PCDHA5: variants seen among roughly 807,000 people sequenced by gnomAD.
PCDHA5 encodes protocadherin alpha 5.
Under a neutral mutation model 61.6 loss-of-function variants are expected in PCDHA5, and 43 were observed. The ratio of observed to expected loss-of-function variants is 0.70; its 90% CI spans 0.55 to 0.90. PCDHA5 has a LOEUF of 0.90. PCDHA5 is among the 40% of genes least tolerant of loss of function. The probability of loss-of-function intolerance (pLI) is 0.00; values close to 1 mark genes in which losing one functional copy is unlikely to be tolerated. For missense variants in PCDHA5, 1,298 were observed against 1,222.7 expected (o/e 1.06, Z -0.92); for synonymous variants, 627 against 543.9 (o/e 1.15, Z -2.13).
intron 1 of PCDHA5, among the ~76,000 whole-genome samples, chr5:140,965,466 A>C (rs1364686627): frequency 2.6e-5 from 4 of 152,002 alleles, no homozygotes; most frequent in Non-Finnish European, 4.4e-5. Flanking sequence ...GATAAATCCC[A>C]GACTCCCACA....
At chr5:140,968,946 GCAT>G in intron 1 of PCDHA5, 4 of 1,614,172 alleles carry the variant, frequency 2.5e-6, no homozygotes, top group Non-Finnish European at 3.4e-6. Flanking sequence ...ATCATTTTGA[GCAT>G]CATCAAGTGC....
At position 140,835,641 on chromosome 5, in the gene PCDHA5, G is replaced by A. The variant is rs2150240486; in HGVS notation, c.2352+11514G>A. ...CGCTCTGGACCGCGAGAGTGTGTCC[G>A]CCTATGAGCTGGTGGTTACCGCGCG... On this transcript the variant is annotated intron_variant, in intron 1 of 3. Transcript: ENST00000529859. 5.0e-6 allele frequency: 8 copies of A among 1,613,912 alleles called. No homozygotes were observed. In the South Asian group the frequency reaches 7.7e-5, roughly 16 times the overall value.
intron 1 of PCDHA5, among the ~76,000 whole-genome samples, chr5:140,957,554 G>A (rs1291687434): frequency 6.6e-6 from 1 of 152,074 alleles, no homozygotes; most frequent in African/African-American, 2.4e-5. Flanking sequence ...ATTCTCTGTG[G>A]AAAAGGAGGG....
rs2042755048 is a variant in PCDHA5 at position 140,853,453 on chromosome 5, C to A, written c.2352+29326C>A. ...CTTTCCTATTTTGCCTAATAGGTCTCCTTATATGCATCTGTAGTTAACATT... is the reference window on the plus strand; with the variant it reads ...CTTTCCTATTTTGCCTAATAGGTCTACTTATATGCATCTGTAGTTAACATT... On this transcript the variant is annotated intron_variant, in intron 1 of 3. Coordinates refer to ENST00000529859, the MANE Select transcript of PCDHA5 (RefSeq NM_018908.3). 4 of 976,644 alleles carry A rather than the reference C, an allele frequency of 4.1e-6. 1 individual carries two copies. The Admixed American group carries it at 2.5e-4, about 62-fold the overall frequency. 60.5% of individuals were successfully genotyped at this position (976,644 alleles called of 1,614,324 possible). A position where few individuals can be genotyped will look rare whatever the true frequency, so the allele number is the denominator to read the frequency against.
At chr5:140,907,840 A>C (rs2073633940) in intron 1 of PCDHA5, among the ~76,000 whole-genome samples, 1 of 152,160 alleles carries the variant, frequency 6.6e-6, no homozygotes, top group South Asian at 2.1e-4. Context: ...TGTTTATTAA[A>C]ATCCTCCTCT....
intron 1 of PCDHA5, chr5:140,828,655 C>A (rs1769872389): frequency 6.2e-7 from 1 of 1,614,110 alleles, no homozygotes; most frequent in Non-Finnish European, 8.5e-7. Context: ...ACAGTGATGA[C>A]AATAAACAAA....
chr5:140,907,164 G>T (rs1554192895), intron 1 of PCDHA5, among the ~76,000 whole-genome samples: 2 of 152,098 alleles, frequency 1.3e-5, no homozygotes, highest in Non-Finnish European at 2.9e-5. Context: ...ACCATATATT[G>T]GATGCTGATT....
chr5:140,919,981 T>TA (rs869118855), intron 1 of PCDHA5, among the ~76,000 whole-genome samples: 2 of 133,388 alleles, frequency 1.5e-5, no homozygotes, highest in Admixed American at 7.6e-5. Flanking sequence ...AGATAGAAGA[T>TA]GGAAAACAGA....
chr5:140,869,509 A>G (rs199564677), intron 1 of PCDHA5: 13 of 1,614,206 alleles, frequency 8.1e-6, no homozygotes, highest in Middle Eastern at 1.6e-4. Context: ...GTTCTCGCTC[A>G]GAGAACAAAA....
chr5:140,836,311 C>G, intron 1 of PCDHA5: 1 of 1,613,662 alleles, frequency 6.2e-7, no homozygotes, highest in Non-Finnish European at 8.5e-7. Context: ...ACGGACGCAC[C>G]GCGCCACCGC....
intron 1 of PCDHA5, 178 bp downstream of exon 1, chr5:140,824,305 A>T: frequency 1.2e-6 from 1 of 813,464 alleles, no homozygotes. Context: ...TGCTGGGGTA[A>T]TAGATTCATC....
chr5:140,969,166 C>T lies in PCDHA5; in HGVS notation c.2353-9783C>T, dbSNP rs1554231524. ...GCTACAAGGCCTGTCTGACAGCAGG[C>T]TCAGGGAGTGACACTTTCATGTTTT... On this transcript the variant is annotated intron_variant, in intron 1 of 3. Transcript: ENST00000529859. 2.5e-6 allele frequency: 4 copies of T among 1,614,092 alleles called. No homozygotes were observed. In the South Asian group the frequency reaches 4.4e-5, roughly 18 times the overall value.
intron 1 of PCDHA5, chr5:140,827,969 T>G: frequency 1.5e-6 from 2 of 1,373,188 alleles, no homozygotes; most frequent in Non-Finnish European, 2.0e-6. Flanking sequence ...TATTACTGCA[T>G]CATTCCCTGA....
chr5:140,834,291 G>A, intron 1 of PCDHA5: 1 of 1,201,540 alleles, frequency 8.3e-7, no homozygotes, highest in Non-Finnish European at 1.2e-6. Context: ...CACAACAATG[G>A]CCACACATCG....
chr5:140,828,221 T>C, intron 1 of PCDHA5: 2 of 1,614,030 alleles, frequency 1.2e-6, no homozygotes, highest in Non-Finnish European at 1.7e-6. Flanking sequence ...ACACGGCACC[T>C]TCGTGGGCCG....
At chr5:140,997,967 G>A (rs1275111362) in intron 3 of PCDHA5, among the ~76,000 whole-genome samples, 1 of 152,104 alleles carries the variant, frequency 6.6e-6, no homozygotes, top group African/African-American at 2.4e-5. Flanking sequence ...CGTACCTGTG[G>A]TTGGACTGCA....
At chr5:140,982,348 T>A (rs1253085859) in intron 2 of PCDHA5, 127 bp from the exon 3 acceptor site, 1 of 1,496,080 alleles carries the variant, frequency 6.7e-7, no homozygotes, top group East Asian at 2.4e-5. Flanking sequence ...TTGCTTCAGT[T>A]CAAGCATGAG....
At chr5:140,929,386 GAA>G in intron 1 of PCDHA5, 1 of 1,511,328 alleles carries the variant, frequency 6.6e-7, no homozygotes, top group Non-Finnish European at 8.9e-7. Context: ...GCTGTGTTTT[GAA>G]ATATTTCTTA....
At chr5:140,830,118 C>T (rs2150181402) in intron 1 of PCDHA5, 27 of 1,613,530 alleles carry the variant, frequency 1.7e-5, no homozygotes, top group East Asian at 1.3e-4. Context: ...GGCCAGGCTC[C>T]AAAGGCGTCA....
Sources: gnomAD v4.1 joint callset for allele counts (sites outside exome capture counted in the v4.1 genomes callset) on GRCh38, gnomAD v4.1.1 for gene constraint, MANE v1.5 for transcripts, NCBI Gene and HGNC (gene_info 2026-07-23, HGNC 2026-07-21) for gene names.